Variants in PLEKHM3 observed in about 807,000 individuals in gnomAD.
PLEKHM3 encodes pleckstrin homology domain-containing family M member 3.
In PLEKHM3, 45 loss-of-function variants were observed where a neutral mutation model predicts 81.8. The observed-to-expected ratio is 0.55, with a 90% CI of 0.43 to 0.71. The LOEUF (loss-of-function observed/expected upper bound fraction) is 0.71, where lower values mean the gene tolerates loss of function less well. PLEKHM3 is among the 30% of genes least tolerant of loss of function. The pLI, the probability that PLEKHM3 is intolerant of heterozygous loss-of-function variation, is 0.00. For missense variants in PLEKHM3, 788 were observed against 924.3 expected, an observed-to-expected ratio of 0.85 and a Z score of 1.91; for synonymous variants, 352 against 356.4, an observed-to-expected ratio of 0.99 and a Z score of 0.14.
chr2:207,955,950 C>A (rs1690492248), intron 3 of PLEKHM3, among the ~76,000 whole-genome samples: 1 of 152,126 alleles, frequency 6.6e-6, no homozygotes, highest in Non-Finnish European at 1.5e-5. Flanking sequence ...GAAGCAATCA[C>A]TATTGTGGAG....
At chr2:207,868,786 T>G (rs1016366790) in intron 6 of PLEKHM3, 2 of 152,208 alleles carry the variant, frequency 1.3e-5, no homozygotes, top group African/African-American at 4.8e-5. Context: ...ACATGTCATT[T>G]TTTTTTTAAA....
At position 208,001,169 on chromosome 2, in the gene PLEKHM3, C is replaced by T. The variant is rs765520298; in HGVS notation, c.471G>A (p.Val157=). Residue 157 remains valine (V), a synonymous_variant, in exon 2 of 8, where the codon GTG becomes GTA. Coordinates refer to ENST00000427836, the MANE Select transcript of PLEKHM3 (RefSeq NM_001080475.3). The part of the protein sequence containing the change: ...HARSRSDITQ[V]DWRVVLKTTP... ...TGGTTTTGAGGACTACCCTCCAGTC[C>T]ACTTGGGTAATATCTGATCGTGATC... 1.4e-5 allele frequency: 22 copies of T among 1,613,866 alleles called. No homozygotes were observed. Among genetic ancestry groups the T allele is most frequent in the Non-Finnish European group, 1.8e-5 (21 of 1,179,994 alleles).
At chr2:208,003,871 T>G (rs1692399870) in intron 1 of PLEKHM3, among the ~76,000 whole-genome samples, 1 of 152,182 alleles carries the variant, frequency 6.6e-6, no homozygotes, top group Non-Finnish European at 1.5e-5. Flanking sequence ...TACTAAAAAC[T>G]GAAATGAACA....
intron 3 of PLEKHM3, among the ~76,000 whole-genome samples, chr2:207,950,030 T>G (rs1468002921): frequency 6.6e-6 from 1 of 152,214 alleles, no homozygotes; most frequent in Non-Finnish European, 1.5e-5. Context: ...CTCAGTTAAC[T>G]AACTGAGTTA....
chr2:207,901,105 A>T (rs1434563819), intron 6 of PLEKHM3: 1 of 605,346 alleles, frequency 1.7e-6, no homozygotes. Context: ...TGGAATCCTT[A>T]TCTCAACTGA....
intron 4 of PLEKHM3, among the ~76,000 whole-genome samples, chr2:207,940,698 C>T (rs1574426277): frequency 6.6e-6 from 1 of 152,150 alleles, no homozygotes; most frequent in African/African-American, 2.4e-5. Context: ...CCACATGACA[C>T]GATGGTGGCA....
At chr2:207,890,379 G>A (rs564880498) in intron 6 of PLEKHM3, among the ~76,000 whole-genome samples, 1 of 152,112 alleles carries the variant, frequency 6.6e-6, no homozygotes, top group Non-Finnish European at 1.5e-5. Context: ...TGTAATCCCA[G>A]CACTTTGGAA....
rs373546278 is a variant in PLEKHM3, at chr2:207,910,816, T to C, written c.1887-2239A>G. 4.7e-4 allele frequency among the ~76,000 whole-genome samples: 71 copies of C among 152,144 alleles called. No individual in the cohort carries two copies. The East Asian group carries it at 9.9e-3, about 21-fold the overall frequency. On this transcript the variant is annotated intron_variant, in intron 5 of 7. Coordinates refer to ENST00000427836, the MANE Select transcript of PLEKHM3 (RefSeq NM_001080475.3). Reference sequence around the variant, plus strand: ...GAGACTACAGACAGGTGACAAGGCATGTGAGAGTCTGTTCTAGGGCAGACA... The same window carrying C: ...GAGACTACAGACAGGTGACAAGGCACGTGAGAGTCTGTTCTAGGGCAGACA...
intron 3 of PLEKHM3, among the ~76,000 whole-genome samples, chr2:207,950,656 A>G (rs1399774887): frequency 6.6e-6 from 1 of 152,174 alleles, no homozygotes. Flanking sequence ...GTGACCTCCA[A>G]GGTCCCTCGA....
intron 2 of PLEKHM3, among the ~76,000 whole-genome samples, chr2:207,984,007 C>T (rs1691631373): frequency 6.6e-6 from 1 of 152,116 alleles, no homozygotes; most frequent in Non-Finnish European, 1.5e-5. Context: ...TTTCTGGGTG[C>T]CAAACAGTAA....
rs559754485 is a variant in PLEKHM3, at chr2:207,998,925, T to C, written c.610+2105A>G. 1.4e-4 allele frequency among the ~76,000 whole-genome samples: 21 copies of C among 152,154 alleles called. No homozygotes were observed. The East Asian group carries it at 2.3e-3, about 17-fold the overall frequency. ...ATCAGAAGGTGCAACTGCTTGTACA[T>C]GAGCTCAAAGCAAAGCTATGATTCT... On this transcript the variant is annotated intron_variant, in intron 2 of 7. Transcript: ENST00000427836.
At chr2:207,893,117 T>C (rs1033434791) in intron 6 of PLEKHM3, among the ~76,000 whole-genome samples, 4 of 139,326 alleles carry the variant, frequency 2.9e-5, no homozygotes, top group Admixed American at 7.1e-5. Flanking sequence ...CAGCAGCCAG[T>C]TGGAAAACAA....
intron 3 of PLEKHM3, among the ~76,000 whole-genome samples, chr2:207,968,715 C>T (rs568000144): frequency 6.6e-6 from 1 of 152,320 alleles, no homozygotes; most frequent in South Asian, 2.1e-4. Context: ...TATAAGCAAG[C>T]CCTCCACAGT....
intron 5 of PLEKHM3, among the ~76,000 whole-genome samples, chr2:207,916,548 T>C (rs1313358336): frequency 6.6e-6 from 1 of 152,102 alleles, no homozygotes; most frequent in Non-Finnish European, 1.5e-5. Flanking sequence ...GAGACCACTC[T>C]GGCCAACATG....
At chr2:207,907,209 A>G (rs1210415712) in intron 6 of PLEKHM3, among the ~76,000 whole-genome samples, 1 of 152,220 alleles carries the variant, frequency 6.6e-6, no homozygotes, top group African/African-American at 2.4e-5. Flanking sequence ...AATCATTAAA[A>G]GTACAAGTGT....
chr2:207,861,067 C>T (rs368312352), intron 7 of PLEKHM3, 38 bp downstream of exon 7: 2 of 1,604,324 alleles, frequency 1.2e-6, no homozygotes, highest in South Asian at 2.2e-5. Context: ...GCATATTACA[C>T]ATTTGGGTGT....
At chr2:207,882,768 C>T (rs541384152) in intron 6 of PLEKHM3, among the ~76,000 whole-genome samples, 12 of 152,092 alleles carry the variant, frequency 7.9e-5, no homozygotes, top group African/African-American at 2.2e-4. Context: ...TATACAAGCT[C>T]GATAAGCTCA....
intron 5 of PLEKHM3, 93 bp downstream of exon 5, chr2:207,930,833 C>G (rs1689566781): frequency 1.4e-6 from 2 of 1,392,418 alleles, no homozygotes; most frequent in East Asian, 2.4e-5. Context: ...AGAGGCGGTC[C>G]GTGCTGGAAA....
At chr2:207,994,614 T>C (rs183297314) in intron 2 of PLEKHM3, among the ~76,000 whole-genome samples, 50 of 152,238 alleles carry the variant, frequency 3.3e-4, no homozygotes, top group African/African-American at 1.1e-3. Context: ...ACCAAGTGCA[T>C]AGCAGATGCT....
Sources: allele counts gnomAD v4.1 joint callset (sites outside exome capture counted in the v4.1 genomes callset), GRCh38; gene constraint gnomAD v4.1.1; transcripts MANE v1.5; gene names NCBI Gene and HGNC (gene_info 2026-07-23, HGNC 2026-07-21).